Variants in DISP3 observed in about 807,000 individuals in gnomAD.
DISP3 encodes protein dispatched homolog 3.
In DISP3, 101 loss-of-function variants were observed where a neutral mutation model predicts 135.3. The observed-to-expected ratio is 0.75, with a 90% confidence interval of 0.64 to 0.88. The LOEUF is 0.88. Ranked by LOEUF, DISP3 falls within the 40% of genes least tolerant of loss-of-function variation. The pLI, the probability that DISP3 is intolerant of heterozygous loss-of-function variation, is 0.00. For synonymous variants in DISP3, 856 were observed against 817.0 expected (o/e 1.05, Z -0.81); for missense variants, 1,713 against 1,878.6 (o/e 0.91, Z 1.63).
At chr1:11,480,238 C>T (rs1249383035) in intron 1 of DISP3, among the ~76,000 whole-genome samples, 2 of 152,182 alleles carry the variant, frequency 1.3e-5, no homozygotes, top group Non-Finnish European at 2.9e-5. Context: ...CGCAGGTCTC[C>T]GTCAGCCCAC....
chr1:11,481,145 T>C (rs935121544), intron 1 of DISP3: 1 of 152,580 alleles, frequency 6.6e-6, no homozygotes, highest in Non-Finnish European at 1.5e-5. Context: ...TCTTCACTTC[T>C]CTCCCCAACT....
At chr1:11,486,614 A>G (rs1389339354) in intron 1 of DISP3, among the ~76,000 whole-genome samples, 1 of 152,118 alleles carries the variant, frequency 6.6e-6, no homozygotes, top group Non-Finnish European at 1.5e-5. Context: ...ATGCGAATAG[A>G]TCTGGGGTGA....
chr1:11,495,172 C>A (rs925297453), intron 1 of DISP3, among the ~76,000 whole-genome samples: 1 of 152,138 alleles, frequency 6.6e-6, no homozygotes, highest in Non-Finnish European at 1.5e-5. Context: ...GCGGGCAGAT[C>A]GCTTGTCAGG....
intron 3 of DISP3, among the ~76,000 whole-genome samples, chr1:11,511,710 CA>C (rs753063514): frequency 2.2e-4 from 34 of 152,174 alleles, no homozygotes; most frequent in Non-Finnish European, 4.6e-4. Context: ...ACCCTCTTCT[CA>C]CAGCTCCACT....
At chr1:11,489,003 TCAGGAACACAAGGG>T (rs1641112158) in intron 1 of DISP3, among the ~76,000 whole-genome samples, 1 of 152,190 alleles carries the variant, frequency 6.6e-6, no homozygotes, top group Non-Finnish European at 1.5e-5. Context: ...GGGCTCTGGC[TCAGGAACACAAGGG>T]CAGCCTCCAC....
At chr1:11,505,116 AG>A (rs1641660870) in intron 3 of DISP3, among the ~76,000 whole-genome samples, 1 of 152,242 alleles carries the variant, frequency 6.6e-6, no homozygotes, top group African/African-American at 2.4e-5. Flanking sequence ...GGCATCACCT[AG>A]GGGCTTGTTA....
chr1:11,515,986 G>T lies in DISP3; in HGVS notation c.1589-15G>T, dbSNP rs1642000588. On this transcript the variant is annotated splice_polypyrimidine_tract_variant and intron_variant, in intron 5 of 20. Transcript: ENST00000294484. The stretch of plus-strand genomic sequence containing the variant: ...CAGAATAATCCTGAGCCTGGCTGGG[G>T]ACTCCCTCCCACAGGTGTGGACGAT... The T allele has an allele frequency of 1.5e-5, 24 of 1,612,716 alleles. No individual in the cohort carries two copies. The highest frequency in any genetic ancestry group is 2.7e-5 in the African/African-American group (2 of 74,870).
At position 11,523,875 on chromosome 1, in the gene DISP3, C is replaced by T; in HGVS notation, c.2363-67C>T. 3 of 1,321,146 alleles carry T rather than the reference C, an allele frequency of 2.3e-6. No individual in the cohort carries two copies. The South Asian group carries it at 3.8e-5, about 17-fold the overall frequency. The allele number at this position is 1,321,146 out of a possible 1,614,324, so 81.8% of individuals were successfully genotyped here. On this transcript the variant is annotated intron_variant, in intron 10 of 20. Coordinates refer to ENST00000294484, the MANE Select transcript of DISP3 (RefSeq NM_020780.2). ...TGTCTCAGATCCCAGCCTCTTCCCTCTGCCCATCGGGCCCAGGCCAGGATG... is the reference window on the plus strand; with the variant it reads ...TGTCTCAGATCCCAGCCTCTTCCCTTTGCCCATCGGGCCCAGGCCAGGATG...
Position 11,498,417 on chromosome 1 carries a change from C to T in DISP3, c.-3-2573C>T, listed in dbSNP as rs557827027. ...CAGCAGGAAGTCCTACGAGTGATCT[C>T]TCTGCATGGGCTAGTTTGGACATTC... On this transcript the variant is annotated intron_variant, in intron 1 of 20. Transcript: ENST00000294484. Among the ~76,000 whole-genome samples the T allele has an allele frequency of 2.0e-5, 3 of 152,284 alleles. No homozygotes were observed. The South Asian group carries it at 6.2e-4, about 32-fold the overall frequency.
At chr1:11,495,202 C>T (rs1051976753) in intron 1 of DISP3, among the ~76,000 whole-genome samples, 1 of 152,130 alleles carries the variant, frequency 6.6e-6, no homozygotes, top group Non-Finnish European at 1.5e-5. Context: ...CCAGCCTGGC[C>T]AACATGGTGA....
rs532754252 is a variant in DISP3, at chr1:11,534,437, G to A, written c.3432G>A (p.Glu1144=). 77 of 1,614,218 alleles carry A rather than the reference G, an allele frequency of 4.8e-5. No homozygotes were observed. In the South Asian group the frequency reaches 5.4e-4, roughly 11 times the overall value. Residue 1144 remains glutamate (E), a synonymous_variant, in exon 18 of 21, where the codon GAG becomes GAA. Coordinates refer to ENST00000294484, the MANE Select transcript of DISP3 (RefSeq NM_020780.2). ...FQTYSDYLRW[E]SFLQQQLQAL... ...CCTACTCGGACTACCTGCGCTGGGA[G>A]AGCTTCCTCCAGCAGCAGCTGCAGG...
At chr1:11,522,901 A>G (rs1363352596) in intron 10 of DISP3, among the ~76,000 whole-genome samples, 8 of 127,702 alleles carry the variant, frequency 6.3e-5, no homozygotes, top group East Asian at 3.0e-4. Flanking sequence ...GGACCCAGCC[A>G]GAGCCCAGCC....
chr1:11,519,644 G>T lies in DISP3; in HGVS notation c.2039-75G>T. 4 of 1,576,120 alleles carry T rather than the reference G, an allele frequency of 2.5e-6. No individual in the cohort carries two copies. The highest frequency in any genetic ancestry group is 3.4e-6 in the Non-Finnish European group (4 of 1,159,896). ...GTGGGCTTCCTCACCAGGCATCTGG[G>T]CTTCCCTGGAAGCGAGCGTGGACCA... On this transcript the variant is annotated intron_variant, in intron 8 of 20. Transcript: ENST00000294484. The surrounding 1 kb of genome is among the most constrained non-coding windows in gnomAD (Gnocchi z 4.3).
At chr1:11,510,609 T>TTTTAGTGTTTTTTGTTTC (rs1641831018) in intron 3 of DISP3, among the ~76,000 whole-genome samples, 1 of 151,930 alleles carries the variant, frequency 6.6e-6, no homozygotes, top group Non-Finnish European at 1.5e-5. Context: ...TCATTACCAT[T>TTTTAGTGTTTTTTGTTTC]TTTGTATAGA....
At chr1:11,490,549 G>A (rs1449367351) in intron 1 of DISP3, among the ~76,000 whole-genome samples, 1 of 152,204 alleles carries the variant, frequency 6.6e-6, no homozygotes, top group South Asian at 2.1e-4. Context: ...GATTACAGGC[G>A]TGAGCCACCG....
Position 11,529,809 on chromosome 1 carries a change from C to T in DISP3, c.2952C>T (p.Ala984=), listed in dbSNP as rs1241726679. Residue 984 remains alanine (A), a synonymous_variant, in exon 15 of 21, where the codon GCC becomes GCT. Transcript: ENST00000294484. This position sits in a 1 kb window ranked among gnomAD's most constrained non-coding sequence, Gnocchi z 4.7. Reference sequence around the variant, plus strand: ...CAGTGCCCAAGGCCCGTCTCTCAGCCACCTTCGGCTTCAACCCCTGCGTGA... The same window carrying T: ...CAGTGCCCAAGGCCCGTCTCTCAGCTACCTTCGGCTTCAACCCCTGCGTGA... ...SEKVPKARLS[A]TFGFNPCVNT... The T allele has an allele frequency of 6.2e-7, 1 of 1,613,752 alleles. No individual in the cohort carries two copies. Among genetic ancestry groups the T allele is most frequent in the African/African-American group, 1.3e-5 (1 of 75,066 alleles).
chr1:11,488,419 C>A (rs1641095655), intron 1 of DISP3, among the ~76,000 whole-genome samples: 2 of 152,206 alleles, frequency 1.3e-5, no homozygotes, highest in South Asian at 2.1e-4. Context: ...CTGCTCCCCA[C>A]TATCCATGCC....
intron 3 of DISP3, among the ~76,000 whole-genome samples, chr1:11,510,239 T>G (rs1328293674): frequency 6.6e-6 from 1 of 152,236 alleles, no homozygotes; most frequent in Non-Finnish European, 1.5e-5. Context: ...ATATGCTTCT[T>G]GTTTCCCCTT....
chr1:11,527,555 A>G (rs1271256604), intron 13 of DISP3, among the ~76,000 whole-genome samples: 1 of 151,666 alleles, frequency 6.6e-6, no homozygotes, highest in Admixed American at 6.6e-5. Context: ...CTCAAAAAAA[A>G]AAAAAAAGAG....
Sources: allele counts gnomAD v4.1 joint callset (sites outside exome capture counted in the v4.1 genomes callset), GRCh38; gene constraint gnomAD v4.1.1; non-coding constraint Gnocchi (gnomAD v3.1); transcripts MANE v1.5; gene names NCBI Gene and HGNC (gene_info 2026-07-23, HGNC 2026-07-21).